Variants in TAF11L11 observed in about 807,000 individuals in gnomAD.
TAF11L11 encodes the protein TATA-box binding protein associated factor 11 like 11.
chr5:17,604,808 T>G (rs1739132208), exon 1 of TAF11L11: 1 of 387,588 alleles, frequency 2.6e-6, no homozygotes, highest in Admixed American at 4.5e-5. Flanking sequence ...AAGAGATGCC[T>G]CTGCTGAGAT....
At chr5:17,605,425 A>C (rs1438903900), downstream of TAF11L11, 1 of 391,846 alleles carries the variant, frequency 2.6e-6, no homozygotes, top group African/African-American at 2.1e-5. Flanking sequence ...TAAGTATCGC[A>C]TTCATCTTCC....
exon 1 of TAF11L11, chr5:17,605,339 A>C (rs12654652): frequency 0.97 from 383,631 of 393,748 alleles, 187,605 homozygotes; most frequent in Non-Finnish European, 1. Context: ...GCCCAAGGGC[A>C]TCCTCCCCAA....
exon 1 of TAF11L11, chr5:17,605,036 A>C (rs68025708): frequency 2.5e-6 from 1 of 394,162 alleles, no homozygotes; most frequent in Non-Finnish European, 4.5e-6. Flanking sequence ...GAAGCCCACC[A>C]TGGATGCAGA....
chr5:17,605,540 A>G (rs1349500143), downstream of TAF11L11, among the ~76,000 whole-genome samples: 1 of 151,456 alleles, frequency 6.6e-6, no homozygotes, highest in East Asian at 1.9e-4. Flanking sequence ...CTAGGTGAAG[A>G]CAGCAGGTTG....
At chr5:17,605,733 T>C (rs1229866355), downstream of TAF11L11, among the ~76,000 whole-genome samples, 2 of 151,496 alleles carry the variant, frequency 1.3e-5, no homozygotes, top group Non-Finnish European at 2.9e-5. Context: ...AAGCCTGGTG[T>C]AGCTGTGTCT....
downstream of TAF11L11, chr5:17,605,447 T>A: frequency 2.6e-6 from 1 of 390,570 alleles, no homozygotes; most frequent in Non-Finnish European, 4.5e-6. Flanking sequence ...ATGACAGGAC[T>A]GCATTTGCTG....
chr5:17,605,389 G>A (rs1183067073), downstream of TAF11L11: 1 of 393,400 alleles, frequency 2.5e-6, no homozygotes, highest in African/African-American at 2.1e-5. Flanking sequence ...CCTAAGGACA[G>A]AGGGAAAGGT....
chr5:17,605,582 A>C (rs1199111394), downstream of TAF11L11, among the ~76,000 whole-genome samples: 1 of 151,470 alleles, frequency 6.6e-6, no homozygotes, highest in South Asian at 2.1e-4. Flanking sequence ...ATATTTGGAC[A>C]TTTTAATGGT....
chr5:17,605,315 G>C (rs1426183883), exon 1 of TAF11L11: 4 of 394,068 alleles, frequency 1.0e-5, no homozygotes, highest in Non-Finnish European at 1.8e-5. Context: ...ACGGGAGGCT[G>C]TTCGCAGGTT....
exon 1 of TAF11L11, chr5:17,604,785 A>T: frequency 2.6e-6 from 1 of 385,518 alleles, no homozygotes; most frequent in Non-Finnish European, 4.6e-6. Flanking sequence ...TCACCCATGG[A>T]GACAGGCAGG....
In TAF11L11 at chr5:17,604,431, T is replaced by G. The variant is rs534241551; in HGVS notation, c.-350T>G. 2.6e-3 allele frequency: 426 copies of G among 165,900 alleles called. 10 individuals are homozygous for G. The highest frequency in any genetic ancestry group is 9.6e-3 in the African/African-American group (401 of 41,946). 10.3% of individuals were successfully genotyped at this position (165,900 alleles called of 1,614,324 possible). On this transcript the variant is annotated 5_prime_UTR_variant, in exon 1 of 1. An upstream open reading frame in the 5' UTR loses its in-frame stop. Transcript: ENST00000510838. ...AGACCCATCCTGGAGGTCCCTCATG[T>G]GACTCTGAGCAGGAGGCAGTCACTT...
rs552775989 is a variant in TAF11L11, at chr5:17,605,194, C to T, written c.414C>T (p.Thr138=). The change falls in exon 1 of 1, where the codon ACC becomes ACT. Residue 138 remains threonine (T), a synonymous_variant. Transcript: ENST00000510838. ...CTGGCAGATCGGTGTCTGAGAACAC[C>T]GCCATTGCCATGGCTGGAATAGCCA... is the stretch of plus-strand genomic sequence containing the variant. 10 of 395,464 alleles carry T rather than the reference C, an allele frequency of 2.5e-5. 1 individual carries two copies. Among genetic ancestry groups the T allele is most frequent in the African/African-American group, 8.3e-5 (4 of 48,372 alleles). 24.5% of individuals were successfully genotyped at this position (395,464 alleles called of 1,614,324 possible).
chr5:17,605,253 T>C (rs1169066093), exon 1 of TAF11L11: 6 of 395,316 alleles, frequency 1.5e-5, no homozygotes, highest in Non-Finnish European at 2.7e-5. Flanking sequence ...GAAGAGGCCC[T>C]GGACGTGTGC....
At chr5:17,604,419 A>G in exon 1 of TAF11L11, 1 of 164,150 alleles carries the variant, frequency 6.1e-6, no homozygotes. Flanking sequence ...CCCATCCTGG[A>G]GGTCCCTCAT....
chr5:17,605,762 C>A (rs934333297), downstream of TAF11L11, among the ~76,000 whole-genome samples: 3 of 151,452 alleles, frequency 2.0e-5, no homozygotes, highest in African/African-American at 7.3e-5. Flanking sequence ...ATGCTTATAT[C>A]TGGGTTTCAG....
exon 1 of TAF11L11, chr5:17,605,365 A>T (rs1739146991): frequency 2.5e-6 from 1 of 393,778 alleles, no homozygotes; most frequent in Non-Finnish European, 4.5e-6. Flanking sequence ...ACTACAAAAA[A>T]ATCATGTTCT....
At chr5:17,604,851 A>G (rs1579615840) in exon 1 of TAF11L11, 1 of 390,100 alleles carries the variant, frequency 2.6e-6, no homozygotes, top group Non-Finnish European at 4.5e-6. Flanking sequence ...AAGTACAGCA[A>G]CAAGGATGGA....
exon 1 of TAF11L11, chr5:17,605,193 C>T (rs2126382768): frequency 2.5e-6 from 1 of 395,530 alleles, no homozygotes; most frequent in East Asian, 3.6e-5. Context: ...TCTGAGAACA[C>T]CGCCATTGCC....
chr5:17,604,949 G>A (rs953299381), exon 1 of TAF11L11: 2 of 392,502 alleles, frequency 5.1e-6, no homozygotes, highest in African/African-American at 2.1e-5. Context: ...CCTCACAGAA[G>A]GTGACAATGA....
Sources: gnomAD v4.1 joint callset for allele counts (sites outside exome capture counted in the v4.1 genomes callset) on GRCh38, gnomAD v4.1.1 for gene constraint, MANE v1.5 for transcripts, NCBI Gene and HGNC (gene_info 2026-07-23, HGNC 2026-07-21) for gene names.